AFG2B: variants seen among roughly 807,000 people sequenced by gnomAD.
AFG2B encodes AAA ATPase AFG2B, also known as ATPase family gene 2 protein homolog B.
At chr15:45,413,720 G>A in the AFG2B span, among the ~76,000 whole-genome samples, 1 of 151,992 alleles carries the variant, frequency 6.6e-6, no homozygotes, top group African/African-American at 2.4e-5. Context: ...AGCTTTCAAG[G>A]CCTATTGTGA....
At chr15:45,410,382 A>G in the AFG2B span, 5 of 1,613,568 alleles carry the variant, frequency 3.1e-6, no homozygotes, top group Non-Finnish European at 4.2e-6. Context: ...AACCAGGACA[A>G]TCCTGTGATT....
At chr15:45,403,416 G>A in the AFG2B span, 1 of 1,609,954 alleles carries the variant, frequency 6.2e-7, no homozygotes, top group Non-Finnish European at 8.5e-7. Flanking sequence ...TGACGCTGCT[G>A]GACGGCGCCA....
At chr15:45,410,986 G>T in the AFG2B span, among the ~76,000 whole-genome samples, 2 of 152,290 alleles carry the variant, frequency 1.3e-5, no homozygotes, top group East Asian at 3.9e-4. Flanking sequence ...TGGATCACCT[G>T]AGGTCAGGAG....
At chr15:45,413,706 C>T in the AFG2B span, among the ~76,000 whole-genome samples, 1 of 152,142 alleles carries the variant, frequency 6.6e-6, no homozygotes, top group Non-Finnish European at 1.5e-5. Flanking sequence ...TCAGTGCAGA[C>T]TAAAGCTTTC....
the AFG2B span, among the ~76,000 whole-genome samples, chr15:45,416,287 C>T: frequency 0.14 from 20,702 of 152,158 alleles, 4,652 homozygotes; most frequent in African/African-American, 0.47. Flanking sequence ...GAATGAAAAA[C>T]AAAGGAGATT....
At chr15:45,418,608 G>T in the AFG2B span, 2 of 1,613,996 alleles carry the variant, frequency 1.2e-6, no homozygotes, top group African/African-American at 2.7e-5. Context: ...AATAGGGCCT[G>T]ATGTCTCCTT....
At chr15:45,419,205 T>C in the AFG2B span, among the ~76,000 whole-genome samples, 77 of 152,290 alleles carry the variant, frequency 5.1e-4, 1 homozygote, top group African/African-American at 1.8e-3. Flanking sequence ...CCCAGCATTT[T>C]GGGAGGCCAA....
At chr15:45,410,040 A>G in the AFG2B span, among the ~76,000 whole-genome samples, 16 of 152,356 alleles carry the variant, frequency 1.1e-4, no homozygotes, top group Non-Finnish European at 2.2e-4. Context: ...GTTAGTTGAC[A>G]TGAAAAGCTC....
the AFG2B span, chr15:45,418,809 C>T: frequency 8.0e-7 from 1 of 1,248,674 alleles, no homozygotes; most frequent in Non-Finnish European, 1.1e-6. Flanking sequence ...CAGATGTGGC[C>T]CCATCCCTCA....
the AFG2B span, chr15:45,402,364 T>G: frequency 1.3e-6 from 2 of 1,550,206 alleles, no homozygotes; most frequent in Non-Finnish European, 1.7e-6. Context: ...GAGCTCGGTG[T>G]TCCGCTTTTT....
the AFG2B span, chr15:45,403,615 G>A: frequency 6.7e-7 from 1 of 1,500,772 alleles, no homozygotes; most frequent in South Asian, 1.2e-5. Context: ...TTAGGTTTGA[G>A]CATCGGTGAG....
the AFG2B span, chr15:45,402,865 C>T: frequency 1.3e-6 from 2 of 1,598,604 alleles, no homozygotes; most frequent in East Asian, 4.5e-5. Context: ...ACCGATCTCC[C>T]TGGGCCACGT....
the AFG2B span, chr15:45,407,207 G>A: frequency 3.4e-5 from 42 of 1,240,260 alleles, no homozygotes; most frequent in Non-Finnish European, 3.8e-5. Context: ...AGCATGAAGG[G>A]ACAGACAACT....
the AFG2B span, among the ~76,000 whole-genome samples, chr15:45,404,665 G>A: frequency 3.4e-4 from 52 of 151,886 alleles, no homozygotes; most frequent in East Asian, 9.9e-3. Flanking sequence ...AAAATAAGCC[G>A]GGCATGGTGG....
At chr15:45,403,639 C>A in the AFG2B span, 1 of 1,286,544 alleles carries the variant, frequency 7.8e-7, no homozygotes, top group East Asian at 2.5e-5. Context: ...GGAGTTGGGG[C>A]TCTTTGCAAT....
chr15:45,417,786 G>A, the AFG2B span: 1 of 159,598 alleles, frequency 6.3e-6, no homozygotes, highest in African/African-American at 2.4e-5. Flanking sequence ...TAAATTTGTT[G>A]TCCGTAAAGT....
the AFG2B span, chr15:45,403,157 CCG>C: frequency 6.9e-7 from 1 of 1,457,496 alleles, no homozygotes; most frequent in Non-Finnish European, 9.0e-7. Flanking sequence ...GCGGGGCCCC[CCG>C]GAGTGGGCAA....
the AFG2B span, chr15:45,403,292 G>T: frequency 1.9e-6 from 3 of 1,588,788 alleles, no homozygotes; most frequent in Non-Finnish European, 8.6e-7. Flanking sequence ...GTCTTCCAGC[G>T]CGCCCGGGAA....
the AFG2B span, chr15:45,403,209 G>A: frequency 4.7e-6 from 7 of 1,486,054 alleles, no homozygotes; most frequent in African/African-American, 7.4e-5. Context: ...AGGCGGGCGC[G>A]GAGCTGCTGG....
Sources: gnomAD v4.1 joint callset for allele counts (sites outside exome capture counted in the v4.1 genomes callset) on GRCh38, gnomAD v4.1.1 for gene constraint, MANE v1.5 for transcripts, NCBI Gene and HGNC (gene_info 2026-07-23, HGNC 2026-07-21) for gene names.